The following SLC39A11 variants were observed in gnomAD, a reference collection of about 807,000 sequenced individuals.
SLC39A11 encodes the protein solute carrier family 39 member 11.
SLC39A11 carries 33 observed loss-of-function variants against 36.1 expected under a neutral mutation model. The observed-to-expected ratio is 0.91, with a 90% CI of 0.69 to 1.22. The LOEUF is 1.22. Among genes scored for constraint, SLC39A11 ranks in the 50% most tolerant of loss-of-function variants. SLC39A11 has a pLI of 0.00. For synonymous variants in SLC39A11, 166 were observed against 170.3 expected, an observed-to-expected ratio of 0.97 and a Z score of 0.20; for missense variants, 432 against 430.3, an observed-to-expected ratio of 1.00 and a Z score of -0.03.
chr17:72,983,892 G>A (rs1289342058), intron 4 of SLC39A11, among the ~76,000 whole-genome samples: 1 of 152,200 alleles, frequency 6.6e-6, no homozygotes, highest in Admixed American at 6.5e-5. Context: ...TCTGGGCAAG[G>A]CTCCAAGGGA....
rs1474783432 is a variant in SLC39A11, at chr17:72,947,844, G to A, written c.338C>T (p.Ala113Val). The A allele has an allele frequency of 5.0e-6, 8 of 1,613,974 alleles. No individual in the cohort carries two copies. Among genetic ancestry groups the A allele is most frequent in the Admixed American group, 3.3e-5 (2 of 60,002 alleles). ...GAAEDPQTTL[A>V]LNFGSTLMKK... Reference sequence around the variant, plus strand: ...CATCAACGTAGAGCCGAAGTTCAGTGCCAGGGTCGTCTGGGGGTCTTCTGC... The same window carrying A: ...CATCAACGTAGAGCCGAAGTTCAGTACCAGGGTCGTCTGGGGGTCTTCTGC... Residue 113 changes from alanine (A) to valine (V), a missense_variant, in exon 5 of 10, where the codon GCA (alanine) becomes GTA (valine). Ala to Val is a moderately conservative substitution (Grantham distance 64). Coordinates refer to ENST00000255559, the MANE Select transcript of SLC39A11 (RefSeq NM_139177.4).
intron 4 of SLC39A11, among the ~76,000 whole-genome samples, chr17:72,957,966 C>T (rs1467933667): frequency 6.6e-6 from 1 of 152,216 alleles, no homozygotes; most frequent in East Asian, 1.9e-4. Flanking sequence ...TCACTCCAGC[C>T]TGGGCGAAAG....
At chr17:72,939,559 G>A (rs933576830) in intron 5 of SLC39A11, among the ~76,000 whole-genome samples, 2 of 152,078 alleles carry the variant, frequency 1.3e-5, no homozygotes, top group Admixed American at 1.3e-4. Context: ...TAAATCCAAT[G>A]ACTGGTGTCT....
intron 7 of SLC39A11, among the ~76,000 whole-genome samples, chr17:72,665,599 G>C (rs2070720607): frequency 6.6e-6 from 1 of 151,574 alleles, no homozygotes; most frequent in South Asian, 2.1e-4. Flanking sequence ...TATTTCCCCG[G>C]CTTGTCTTGA....
At chr17:72,817,172 C>A (rs916806742) in intron 6 of SLC39A11, among the ~76,000 whole-genome samples, 13 of 152,024 alleles carry the variant, frequency 8.6e-5, no homozygotes, top group African/African-American at 2.4e-5. Context: ...GAAGCCTGTA[C>A]AAGAAGCATG....
intron 4 of SLC39A11, among the ~76,000 whole-genome samples, chr17:72,964,045 A>G (rs1020713329): frequency 6.6e-6 from 1 of 152,132 alleles, no homozygotes; most frequent in African/African-American, 2.4e-5. Context: ...CCCCAAAAGT[A>G]CAAAGGTGGC....
chr17:72,714,951 T>A (rs2073287333), intron 7 of SLC39A11, among the ~76,000 whole-genome samples: 1 of 152,232 alleles, frequency 6.6e-6, no homozygotes, highest in African/African-American at 2.4e-5. Context: ...TCTTTACACG[T>A]ACATATTCAA....
At chr17:72,679,194 T>TC (rs779877279) in intron 7 of SLC39A11, among the ~76,000 whole-genome samples, 10 of 152,282 alleles carry the variant, frequency 6.6e-5, no homozygotes, top group Non-Finnish European at 1.3e-4. Flanking sequence ...AGGATCACAT[T>TC]CTAGTATTTG....
intron 4 of SLC39A11, among the ~76,000 whole-genome samples, chr17:73,030,916 C>T (rs1231370251): frequency 6.6e-6 from 1 of 152,240 alleles, no homozygotes; most frequent in East Asian, 1.9e-4. Context: ...CCAAATCCAG[C>T]TCTCCTGCCA....
chr17:73,046,165 C>T (rs1046594606), intron 3 of SLC39A11, among the ~76,000 whole-genome samples: 7 of 152,214 alleles, frequency 4.6e-5, no homozygotes, highest in African/African-American at 1.7e-4. Flanking sequence ...GACAAACCAC[C>T]CACCTGCTAG....
At chr17:72,833,477 C>T (rs1466376088) in intron 6 of SLC39A11, among the ~76,000 whole-genome samples, 2 of 152,184 alleles carry the variant, frequency 1.3e-5, no homozygotes, top group Non-Finnish European at 2.9e-5. Context: ...AAAGCTTTTC[C>T]AGGCAGTGTA....
At chr17:73,046,855 C>T (rs556898779) in intron 3 of SLC39A11, among the ~76,000 whole-genome samples, 2 of 152,054 alleles carry the variant, frequency 1.3e-5, no homozygotes, top group South Asian at 2.1e-4. Context: ...GTGGGGGCAT[C>T]GCTTGAGCCC....
intron 4 of SLC39A11, among the ~76,000 whole-genome samples, chr17:72,970,854 C>T (rs2087389371): frequency 6.6e-6 from 1 of 152,222 alleles, no homozygotes; most frequent in African/African-American, 2.4e-5. Context: ...CCTTAGACAG[C>T]TCCTTCGAGC....
chr17:73,082,478 CT>C (rs1220382128), intron 3 of SLC39A11, among the ~76,000 whole-genome samples: 8 of 151,478 alleles, frequency 5.3e-5, no homozygotes. Context: ...TGATTTTTTT[CT>C]TTTTTGTTTT....
chr17:73,029,327 G>C (rs2058668500), intron 4 of SLC39A11, among the ~76,000 whole-genome samples: 1 of 152,018 alleles, frequency 6.6e-6, no homozygotes, highest in African/African-American at 2.4e-5. Flanking sequence ...GTGCAGGAGA[G>C]AAGAGTAGAA....
intron 6 of SLC39A11, among the ~76,000 whole-genome samples, chr17:72,817,351 GGGGA>G (rs2077616669): frequency 8.1e-6 from 1 of 123,844 alleles, no homozygotes; most frequent in Non-Finnish European, 1.8e-5. Context: ...GAAGGGGGAG[GGGGA>G]GGAGGAGGAG....
chr17:73,064,854 C>T lies in SLC39A11; in HGVS notation c.147+19954G>A, dbSNP rs930887724. Among the ~76,000 whole-genome samples, 20 of 152,214 alleles carry T rather than the reference C, an allele frequency of 1.3e-4. No homozygotes were observed. In the South Asian group the frequency reaches 2.1e-3, roughly 16 times the overall value. On this transcript the variant is annotated intron_variant, in intron 3 of 9. Transcript: ENST00000255559. ...CCATAATGTCAGCTCCTCTGGTCTCCGTGCTTCTCTTCTCACCATACTTGG... is the reference window on the plus strand; with the variant it reads ...CCATAATGTCAGCTCCTCTGGTCTCTGTGCTTCTCTTCTCACCATACTTGG...
rs36104679 is a variant in SLC39A11, at chr17:72,662,304, G to C, written c.672-13036C>G. On this transcript the variant is annotated intron_variant, in intron 7 of 9. Coordinates refer to ENST00000255559, the MANE Select transcript of SLC39A11 (RefSeq NM_139177.4). ...AGAAAGGAAGAAAGAAAAGAGGAAA[G>C]GAAGAAAGAAAAGAGGAAAGAAAGA... 2.6e-3 allele frequency among the ~76,000 whole-genome samples: 367 copies of C among 143,766 alleles called. 4 individuals carry two copies. Among genetic ancestry groups the C allele is most frequent in the East Asian group, 0.023 (113 of 4,898 alleles). The allele number at this position is 143,766 out of a possible 152,430, so 94.3% of individuals were successfully genotyped here.
chr17:72,961,027 T>A (rs77193954), intron 4 of SLC39A11, among the ~76,000 whole-genome samples: 6,860 of 151,718 alleles, frequency 0.045, 179 homozygotes, highest in Non-Finnish European at 0.061. Flanking sequence ...AACACGAGGG[T>A]GAGAGAGAGT....
Sources: allele counts gnomAD v4.1 joint callset (sites outside exome capture counted in the v4.1 genomes callset), GRCh38; gene constraint gnomAD v4.1.1; transcripts MANE v1.5; gene names NCBI Gene and HGNC (gene_info 2026-07-23, HGNC 2026-07-21).